The following MMP26 variants were observed in gnomAD, a reference collection of about 807,000 sequenced individuals.
MMP26 encodes matrix metallopeptidase 26, also known as matrix metalloproteinase-26.
In MMP26, 33 loss-of-function variants were observed where a neutral mutation model predicts 31.0. The observed-to-expected ratio is 1.06, with a 90% confidence interval of 0.81 to 1.42. The LOEUF is 1.42. Among genes scored for constraint, MMP26 ranks in the 40% most tolerant of loss-of-function variants. The pLI is 0.00. For synonymous variants in MMP26, 122 were observed against 114.9 expected (o/e 1.06, Z -0.40); for missense variants, 347 against 316.1 (o/e 1.10, Z -0.74).
At chr11:4,870,345 ACACT>A (rs1554888041) in intron 2 of MMP26, among the ~76,000 whole-genome samples, 1 of 152,156 alleles carries the variant, frequency 6.6e-6, no homozygotes, top group Non-Finnish European at 1.5e-5. Flanking sequence ...ATAAATAATG[ACACT>A]CAATTATATG....
chr11:4,841,067 A>G (rs902394476), intron 2 of MMP26, among the ~76,000 whole-genome samples: 1 of 152,220 alleles, frequency 6.6e-6, no homozygotes, highest in African/African-American at 2.4e-5. Context: ...AATGAAGCAG[A>G]ACAAAGAATT....
chr11:4,858,098 G>A (rs1394837121), intron 2 of MMP26, among the ~76,000 whole-genome samples: 2 of 152,098 alleles, frequency 1.3e-5, no homozygotes, highest in East Asian at 3.8e-4. Flanking sequence ...AGCTATTTAT[G>A]ACAGACCCAG....
chr11:4,791,220 G>C (rs1238999771), intron 2 of MMP26, among the ~76,000 whole-genome samples: 1 of 152,244 alleles, frequency 6.6e-6, no homozygotes, highest in African/African-American at 2.4e-5. Flanking sequence ...GTCAAGTACA[G>C]TGGTTAATAG....
chr11:4,912,847 C>T (rs373302851), intron 2 of MMP26: 107 of 152,156 alleles, frequency 7.0e-4, no homozygotes, highest in African/African-American at 2.3e-3. Flanking sequence ...TGTTGATCTT[C>T]ATTTTTAGAT....
intron 2 of MMP26, among the ~76,000 whole-genome samples, chr11:4,954,402 T>A (rs1216291719): frequency 8.0e-6 from 1 of 125,350 alleles, no homozygotes; most frequent in African/African-American, 2.7e-5. Context: ...GAGACAGATA[T>A]AATATAAAAT....
intron 2 of MMP26, among the ~76,000 whole-genome samples, chr11:4,891,024 T>TAATAAA (rs1228898738): frequency 2.1e-4 from 31 of 144,726 alleles, no homozygotes; most frequent in Admixed American, 6.2e-4. Context: ...ATAATAATAA[T>TAATAAA]AAAAGTAAAA....
chr11:4,717,101 C>G (rs772598697), intron 1 of MMP26, among the ~76,000 whole-genome samples: 1 of 152,170 alleles, frequency 6.6e-6, no homozygotes, highest in African/African-American at 2.4e-5. Flanking sequence ...AGCCTCTGCT[C>G]GACAATTCTT....
chr11:4,822,609 T>G (rs1018851545), intron 2 of MMP26, among the ~76,000 whole-genome samples: 1 of 152,208 alleles, frequency 6.6e-6, no homozygotes, highest in Non-Finnish European at 1.5e-5. Context: ...TAATTATATT[T>G]GTAAGCAGTA....
chr11:4,874,080 A>G (rs1850347114), intron 2 of MMP26, among the ~76,000 whole-genome samples: 1 of 152,060 alleles, frequency 6.6e-6, no homozygotes, highest in Non-Finnish European at 1.5e-5. Flanking sequence ...TTAAGTCTGC[A>G]GTCTGCAGCT....
At chr11:4,859,736 T>A in intron 2 of MMP26, 2 of 471,208 alleles carry the variant, frequency 4.2e-6, no homozygotes, top group Non-Finnish European at 8.8e-6. Flanking sequence ...GCCATGACCA[T>A]GTGCACTACT....
chr11:4,721,531 C>G (rs1345517228), intron 1 of MMP26, among the ~76,000 whole-genome samples: 1 of 152,208 alleles, frequency 6.6e-6, no homozygotes, highest in Admixed American at 6.5e-5. Flanking sequence ...TTGGAGCTTA[C>G]TGGCTTTCAA....
Position 4,769,092 on chromosome 11 carries a change from A to C in MMP26, c.-145+1751A>C, listed in dbSNP as rs1217716601. On this transcript the variant is annotated intron_variant, in intron 2 of 7. Coordinates refer to ENST00000380390, the MANE Select transcript of MMP26 (RefSeq NM_021801.5). The stretch of plus-strand genomic sequence containing the variant: ...AGCAGGTATACATTAGCCATCACTG[A>C]ATGGACTACTCTGGGGGCTGACCGA... 3 of 1,589,466 alleles carry C rather than the reference A, an allele frequency of 1.9e-6. No individual in the cohort carries two copies. In the African/African-American group the frequency reaches 4.0e-5, roughly 21 times the overall value.
intron 2 of MMP26, among the ~76,000 whole-genome samples, chr11:4,839,273 T>A (rs1849762108): frequency 6.6e-6 from 1 of 151,938 alleles, no homozygotes; most frequent in Admixed American, 6.6e-5. Flanking sequence ...CCACAAGGAC[T>A]GCAACTCTCA....
At chr11:4,902,609 C>A (rs1344835494) in intron 2 of MMP26, among the ~76,000 whole-genome samples, 1 of 152,054 alleles carries the variant, frequency 6.6e-6, no homozygotes, top group East Asian at 1.9e-4. Context: ...TTCAAGAATT[C>A]TTGTGTCTTT....
At chr11:4,784,467 G>T (rs187616180) in intron 2 of MMP26, among the ~76,000 whole-genome samples, 19 of 152,336 alleles carry the variant, frequency 1.2e-4, no homozygotes, top group Middle Eastern at 3.4e-3. Flanking sequence ...ATGATCACAA[G>T]ATGAGATCAT....
intron 1 of MMP26, among the ~76,000 whole-genome samples, 168 bp from the exon 2 acceptor site, chr11:4,767,101 TA>T (rs1310589767): frequency 1.4e-4 from 22 of 152,166 alleles, no homozygotes; most frequent in African/African-American, 5.1e-4. Context: ...ACACAAATTT[TA>T]TAATCTATGT....
At chr11:4,877,254 C>T (rs1328440818) in intron 2 of MMP26, 2 of 152,184 alleles carry the variant, frequency 1.3e-5, no homozygotes, top group African/African-American at 4.8e-5. Flanking sequence ...CATTGCTTCC[C>T]AGGAAGACAG....
intron 2 of MMP26, among the ~76,000 whole-genome samples, chr11:4,810,405 G>GT (rs373983582): frequency 9.5e-4 from 144 of 152,264 alleles, no homozygotes; most frequent in Middle Eastern, 3.4e-3. Context: ...GTGAATAAGC[G>GT]TAAGTGTATA....
At position 4,966,491 on chromosome 11, in the gene MMP26, T is replaced by A. The variant is rs549302276; in HGVS notation, c.-144-21577T>A. Reference sequence around the variant, plus strand: ...GGTGAATGGCTCTGGTTAAACTGATTTAGCAAGATTCTTGCTAAATTGAAC... The same window carrying A: ...GGTGAATGGCTCTGGTTAAACTGATATAGCAAGATTCTTGCTAAATTGAAC... On this transcript the variant is annotated intron_variant, in intron 2 of 7. Transcript: ENST00000380390. Among the ~76,000 whole-genome samples the A allele has an allele frequency of 4.8e-4, 73 of 152,250 alleles. 1 individual carries two copies. In the Middle Eastern group the frequency reaches 0.017, roughly 35 times the overall value.
Sources: allele counts gnomAD v4.1 joint callset (sites outside exome capture counted in the v4.1 genomes callset), GRCh38; gene constraint gnomAD v4.1.1; transcripts MANE v1.5; gene names NCBI Gene and HGNC (gene_info 2026-07-23, HGNC 2026-07-21).